LRP8: variants seen among roughly 807,000 people sequenced by gnomAD.
The protein encoded by LRP8 is LDL receptor related protein 8, also known as low-density lipoprotein receptor-related protein 8.
LRP8 carries 46 observed loss-of-function variants against 111.6 expected under a neutral mutation model. That is an observed-to-expected ratio of 0.41 (90% CI 0.33 to 0.53). The LOEUF is 0.53. LRP8 is among the 20% of genes least tolerant of loss of function. The pLI, the probability that LRP8 is intolerant of heterozygous loss-of-function variation, is 0.20. For missense variants in LRP8, 959 were observed against 1,297.4 expected (o/e 0.74, Z 4.01); for synonymous variants, 464 against 511.2 (o/e 0.91, Z 1.24).
intron 2 of LRP8, among the ~76,000 whole-genome samples, chr1:53,326,318 A>G (rs1396468700): frequency 4.6e-5 from 7 of 152,102 alleles, no homozygotes; most frequent in African/African-American, 1.7e-4. Flanking sequence ...CCCCGCGCCC[A>G]GGGAACCCGA....
At chr1:53,301,730 TA>T (rs34765403) in intron 2 of LRP8, among the ~76,000 whole-genome samples, 1,615 of 144,142 alleles carry the variant, frequency 0.011, 9 homozygotes, top group Middle Eastern at 0.021. Flanking sequence ...AACCCTGTCT[TA>T]AAAAAAAAAA....
At chr1:53,291,220 C>T (rs80132685) in intron 2 of LRP8, among the ~76,000 whole-genome samples, 28,923 of 152,026 alleles carry the variant, frequency 0.19, 3,853 homozygotes, top group African/African-American at 0.35. Flanking sequence ...GAAATGAAGA[C>T]GGCAGGGGGG....
At chr1:53,310,476 T>A (rs1652786468) in intron 2 of LRP8, among the ~76,000 whole-genome samples, 1 of 152,182 alleles carries the variant, frequency 6.6e-6, no homozygotes, top group African/African-American at 2.4e-5. Context: ...GTGAATGGAA[T>A]GAGATGCTGC....
At chr1:53,314,594 G>A (rs1461575330) in intron 2 of LRP8, among the ~76,000 whole-genome samples, 2 of 152,222 alleles carry the variant, frequency 1.3e-5, no homozygotes, top group Non-Finnish European at 2.9e-5. Context: ...AGAGCTGCAG[G>A]AGACAGATCT....
chr1:53,285,827 C>T (rs1442499529), intron 3 of LRP8, among the ~76,000 whole-genome samples: 2 of 152,128 alleles, frequency 1.3e-5, no homozygotes, highest in Non-Finnish European at 2.9e-5. Flanking sequence ...CTCCAAGTAC[C>T]CTAGGTTCTG....
At chr1:53,269,634 A>T (rs765415545) in intron 8 of LRP8, among the ~76,000 whole-genome samples, 1 of 151,914 alleles carries the variant, frequency 6.6e-6, no homozygotes, top group Admixed American at 6.6e-5. Context: ...TTCTTTACTC[A>T]AATACCTTCT....
At chr1:53,260,389 C>T in intron 13 of LRP8, 75 bp downstream of exon 13, 3 of 1,467,874 alleles carry the variant, frequency 2.0e-6, no homozygotes, top group Non-Finnish European at 1.9e-6. Flanking sequence ...AATGTGAACA[C>T]AGCCTGCCTG....
chr1:53,276,664 G>A, intron 5 of LRP8, 28 bp downstream of exon 5: 2 of 1,492,450 alleles, frequency 1.3e-6, no homozygotes. Flanking sequence ...ATCCCTGGGC[G>A]GGGCTGGGCG....
chr1:53,313,752 G>T (rs968460374), intron 2 of LRP8, among the ~76,000 whole-genome samples: 5 of 152,174 alleles, frequency 3.3e-5, no homozygotes, highest in Non-Finnish European at 5.9e-5. Context: ...ACCTGGAGAG[G>T]AGACAGGTAC....
intron 5 of LRP8, among the ~76,000 whole-genome samples, chr1:53,276,463 G>T (rs957617718): frequency 2.6e-5 from 4 of 152,112 alleles, no homozygotes; most frequent in African/African-American, 9.7e-5. Context: ...TCACAGCAGG[G>T]ACACAGATAC....
chr1:53,313,196 G>A lies in LRP8; in HGVS notation c.244+13677C>T, dbSNP rs149173536. Among the ~76,000 whole-genome samples, 46 of 152,314 alleles carry A rather than the reference G, an allele frequency of 3.0e-4. No homozygotes were observed. The East Asian group carries it at 7.1e-3, about 24-fold the overall frequency. On this transcript the variant is annotated intron_variant, in intron 2 of 18. Coordinates refer to ENST00000306052, the MANE Select transcript of LRP8 (RefSeq NM_004631.5). ...AGTTAGGGGCTGGTGCCCCCAGGGCGTGGCCTGCTTTCCCATCTGTAGATC... is the reference window on the plus strand; with the variant it reads ...AGTTAGGGGCTGGTGCCCCCAGGGCATGGCCTGCTTTCCCATCTGTAGATC...
chr1:53,249,272 A>T lies in LRP8; in HGVS notation c.2853+108T>A. The T allele has an allele frequency of 8.1e-7, 1 of 1,234,210 alleles. No homozygotes were observed. The highest frequency in any genetic ancestry group is 1.1e-6 in the Non-Finnish European group (1 of 882,494). 76.5% of individuals were successfully genotyped at this position (1,234,210 alleles called of 1,614,324 possible). A position where few individuals can be genotyped will look rare whatever the true frequency, so the allele number is the denominator to read the frequency against. On this transcript the variant is annotated intron_variant, in intron 18 of 18. Coordinates refer to ENST00000306052, the MANE Select transcript of LRP8 (RefSeq NM_004631.5). This position sits in a 1 kb window ranked among gnomAD's most constrained non-coding sequence, Gnocchi z 4.1. ...TCTTCTTTGCCCCAACACCCAGCTT[A>T]CAATTTGCAGCCTTCCCAAACCAGA...
chr1:53,299,859 G>A (rs1470873374), intron 2 of LRP8, among the ~76,000 whole-genome samples: 1 of 152,242 alleles, frequency 6.6e-6, no homozygotes, highest in Non-Finnish European at 1.5e-5. Flanking sequence ...TCATGGCATG[G>A]TGAGTTGGAT....
chr1:53,280,450 A>C, intron 4 of LRP8, 137 bp downstream of exon 4: 1 of 1,062,382 alleles, frequency 9.4e-7, no homozygotes, highest in Non-Finnish European at 1.3e-6. Context: ...AGCCATTACT[A>C]GTGTCCTGAT....
chr1:53,263,577 G>T (rs1360974078), intron 10 of LRP8, among the ~76,000 whole-genome samples: 1 of 152,196 alleles, frequency 6.6e-6, no homozygotes, highest in Non-Finnish European at 1.5e-5. Context: ...GGTGGTGAGG[G>T]CCCAGAGACC....
At chr1:53,320,262 G>A (rs1654331659) in intron 2 of LRP8, among the ~76,000 whole-genome samples, 2 of 152,218 alleles carry the variant, frequency 1.3e-5, no homozygotes, top group South Asian at 2.1e-4. Context: ...AAAGCCCTTC[G>A]GTACTGCAAA....
rs1645743206 is a variant in LRP8, at chr1:53,246,906, A to C, written c.*112T>G. 1 of 910,694 alleles carries C rather than the reference A, an allele frequency of 1.1e-6. No individual in the cohort carries two copies. The highest frequency in any genetic ancestry group is 1.7e-6 in the Non-Finnish European group (1 of 593,666). 56.4% of individuals were successfully genotyped at this position (910,694 alleles called of 1,614,324 possible). On this transcript the variant is annotated 3_prime_UTR_variant, in exon 19 of 19. Transcript: ENST00000306052. ...AATTTAAAAAAAAAATCACACACAC[A>C]CATACACTCACACAGACCCATATAT...
intron 15 of LRP8, among the ~76,000 whole-genome samples, chr1:53,255,734 C>T (rs1364909179): frequency 6.6e-6 from 1 of 152,082 alleles, no homozygotes; most frequent in Non-Finnish European, 1.5e-5. Flanking sequence ...GGTTCAAGTC[C>T]CAGCTCTACT....
chr1:53,260,669 G>T, intron 12 of LRP8, 64 bp from the exon 13 acceptor site: 1 of 1,547,468 alleles, frequency 6.5e-7, no homozygotes, highest in Non-Finnish European at 8.8e-7. Flanking sequence ...CAGTCTGAGG[G>T]GTTGGCCCCA....
Sources: gnomAD v4.1 joint callset for allele counts (sites outside exome capture counted in the v4.1 genomes callset) on GRCh38, gnomAD v4.1.1 for gene constraint, Gnocchi (gnomAD v3.1) non-coding constraint, MANE v1.5 for transcripts, NCBI Gene and HGNC (gene_info 2026-07-23, HGNC 2026-07-21) for gene names.